Variants in SCIN observed in about 807,000 individuals in gnomAD.
The protein encoded by SCIN is scinderin.
In SCIN, 91 loss-of-function variants were observed where a neutral mutation model predicts 91.8. The observed-to-expected ratio is 0.99, with a 90% CI of 0.84 to 1.18. SCIN has a LOEUF of 1.18. Ranked by LOEUF, SCIN falls within the 50% of genes most tolerant of loss-of-function variation. The pLI is 0.00. For synonymous variants in SCIN, 367 were observed against 312.6 expected (o/e 1.17, Z -1.84); for missense variants, 1,087 against 863.9 (o/e 1.26, Z -3.24).
intron 3 of SCIN, chr7:12,595,622 T>C (rs909135736): frequency 2.0e-5 from 3 of 152,280 alleles, no homozygotes; most frequent in Non-Finnish European, 2.9e-5. Context: ...AAGACAACTC[T>C]TAAGATGTTA....
intron 12 of SCIN, 49 bp downstream of exon 12, chr7:12,644,364 A>C: frequency 6.6e-7 from 1 of 1,519,064 alleles, no homozygotes; most frequent in Non-Finnish European, 8.9e-7. Context: ...TACTGATACG[A>C]TTGCTAATCA....
At chr7:12,649,801 T>C (rs775633203) in intron 14 of SCIN, among the ~76,000 whole-genome samples, 1 of 152,216 alleles carries the variant, frequency 6.6e-6, no homozygotes, top group Non-Finnish European at 1.5e-5. Context: ...CATTTATTTG[T>C]AAAAGTTACT....
At chr7:12,642,131 T>C (rs1486203946) in intron 11 of SCIN, among the ~76,000 whole-genome samples, 1 of 151,888 alleles carries the variant, frequency 6.6e-6, no homozygotes. Context: ...TGTACAGTGA[T>C]ATATCAATAA....
intron 1 of SCIN, chr7:12,577,717 A>G (rs1247508899): frequency 2.4e-6 from 1 of 410,134 alleles, no homozygotes; most frequent in Non-Finnish European, 4.7e-6. Context: ...TTAGCAAAGC[A>G]TGGTGGCACG....
chr7:12,600,866 G>T (rs1385825495), intron 3 of SCIN, among the ~76,000 whole-genome samples: 1 of 152,122 alleles, frequency 6.6e-6, no homozygotes, highest in Non-Finnish European at 1.5e-5. Flanking sequence ...TGATTTTAGT[G>T]CTCAGTGGCT....
chr7:12,599,519 C>A (rs1047795639), intron 3 of SCIN, among the ~76,000 whole-genome samples: 2 of 152,012 alleles, frequency 1.3e-5, no homozygotes, highest in African/African-American at 4.8e-5. Flanking sequence ...GACTTCGTTT[C>A]TTCTGGATAG....
rs750469313 is a variant in SCIN at position 12,652,584 on chromosome 7, T to G, written c.2021-4T>G. On this transcript the variant is annotated splice_polypyrimidine_tract_variant and splice_region_variant and intron_variant, in intron 15 of 15. Transcript: ENST00000297029. ...AATTTATATGTCTTTACAACTTTTT[T>G]TAGCCAAAATGTACCTTGAGACAGA... 3 of 1,612,088 alleles carry G rather than the reference T, an allele frequency of 1.9e-6. No individual in the cohort carries two copies. The highest frequency in any genetic ancestry group is 2.5e-6 in the Non-Finnish European group (3 of 1,179,130).
intron 4 of SCIN, among the ~76,000 whole-genome samples, chr7:12,605,764 A>G (rs563970002): frequency 2.0e-5 from 3 of 152,328 alleles, no homozygotes; most frequent in Non-Finnish European, 4.4e-5. Flanking sequence ...AATTAAATAC[A>G]ATCTTATACC....
At chr7:12,649,943 A>G (rs1784045989) in intron 14 of SCIN, among the ~76,000 whole-genome samples, 1 of 152,216 alleles carries the variant, frequency 6.6e-6, no homozygotes, top group African/African-American at 2.4e-5. Context: ...AGTCATGGGT[A>G]GCCCTCCCCT....
rs1197219861 is a variant in SCIN at position 12,644,317 on chromosome 7, T to C, written c.1759+2T>C. On this transcript the variant is annotated splice_donor_variant, in intron 12 of 15. Transcript: ENST00000297029. LOFTEE classifies it high-confidence loss of function. ...GGATCCAAGAAGGCGAGGAGCCAGG[T>C]GTGTGCTCTGGGGCCAAGGGCACTA... 2.5e-6 allele frequency: 4 copies of C among 1,578,222 alleles called. No homozygotes were observed. In the East Asian group the frequency reaches 9.2e-5, roughly 36 times the overall value.
At chr7:12,627,764 A>G (rs1007874362) in intron 8 of SCIN, among the ~76,000 whole-genome samples, 1 of 152,162 alleles carries the variant, frequency 6.6e-6, no homozygotes, top group South Asian at 2.1e-4. Context: ...CATTCCTGCC[A>G]GAGCTCAGCC....
At chr7:12,600,135 A>G (rs1782928404) in intron 3 of SCIN, among the ~76,000 whole-genome samples, 1 of 152,208 alleles carries the variant, frequency 6.6e-6, no homozygotes, top group Non-Finnish European at 1.5e-5. Flanking sequence ...TAGAATCTTT[A>G]TGGTTTCAGG....
intron 4 of SCIN, among the ~76,000 whole-genome samples, chr7:12,620,448 G>A (rs1783384447): frequency 6.6e-6 from 1 of 151,926 alleles, no homozygotes; most frequent in Non-Finnish European, 1.5e-5. Flanking sequence ...ATCATGCATT[G>A]TTTATCTTTT....
At chr7:12,599,951 C>T (rs1782924244) in intron 3 of SCIN, among the ~76,000 whole-genome samples, 1 of 152,106 alleles carries the variant, frequency 6.6e-6, no homozygotes, top group Non-Finnish European at 1.5e-5. Context: ...TATTTTCTCC[C>T]ATTCTGTGGG....
chr7:12,648,255 T>G (rs1784005073), intron 13 of SCIN, among the ~76,000 whole-genome samples: 1 of 151,992 alleles, frequency 6.6e-6, no homozygotes, highest in Admixed American at 6.6e-5. Flanking sequence ...TTTTTTGATT[T>G]ATTAAAATGA....
intron 9 of SCIN, among the ~76,000 whole-genome samples, chr7:12,633,410 T>C (rs1248164781): frequency 2.0e-5 from 3 of 152,212 alleles, no homozygotes; most frequent in Non-Finnish European, 4.4e-5. Context: ...TTGTTCAGTA[T>C]ACAATTTCAG....
At chr7:12,636,242 A>G (rs1248617295) in intron 10 of SCIN, 107 bp downstream of exon 10, 21 of 711,006 alleles carry the variant, frequency 3.0e-5, no homozygotes, top group Non-Finnish European at 4.8e-5. Flanking sequence ...CATTTTCTTG[A>G]TATGAACTGT....
chr7:12,594,530 T>C (rs1302487868), intron 3 of SCIN, among the ~76,000 whole-genome samples: 1 of 152,166 alleles, frequency 6.6e-6, no homozygotes, highest in Non-Finnish European at 1.5e-5. Flanking sequence ...TTGGGAGCCA[T>C]TGTCCAATTG....
chr7:12,582,951 G>A (rs1029284872), intron 3 of SCIN, among the ~76,000 whole-genome samples: 1 of 151,958 alleles, frequency 6.6e-6, no homozygotes, highest in Non-Finnish European at 1.5e-5. Flanking sequence ...ATTTTTATTA[G>A]AAAAAGGAGA....
Sources: gnomAD v4.1 joint callset for allele counts (sites outside exome capture counted in the v4.1 genomes callset) on GRCh38, gnomAD v4.1.1 for gene constraint, MANE v1.5 for transcripts, NCBI Gene and HGNC (gene_info 2026-07-23, HGNC 2026-07-21) for gene names.